LMTK2: variants seen among roughly 807,000 people sequenced by gnomAD.
The protein encoded by LMTK2 is serine/threonine-protein kinase LMTK2.
LMTK2 carries 37 observed loss-of-function variants against 127.5 expected under a neutral mutation model. The ratio of observed to expected loss-of-function variants is 0.29; its 90% CI spans 0.22 to 0.38. The LOEUF is 0.38. Ranked by LOEUF, LMTK2 falls within the 10% of genes least tolerant of loss-of-function variation. LMTK2 has a pLI of 1.00. For missense variants in LMTK2, 1,694 were observed against 1,920.3 expected (o/e 0.88, Z 2.20); for synonymous variants, 819 against 810.1 (o/e 1.01, Z -0.19).
chr7:98,170,740 C>A (rs1037139237), intron 6 of LMTK2, among the ~76,000 whole-genome samples: 19 of 152,120 alleles, frequency 1.2e-4, no homozygotes, highest in Admixed American at 1.0e-3. Context: ...AGAAGGTGTT[C>A]CCCATAACAG....
At chr7:98,168,921 G>C (rs904096596) in intron 6 of LMTK2, among the ~76,000 whole-genome samples, 1 of 152,104 alleles carries the variant, frequency 6.6e-6, no homozygotes, top group Non-Finnish European at 1.5e-5. Context: ...TTCTTGGTGA[G>C]CTTTTTTCTT....
At chr7:98,143,541 A>G (rs1012223225) in intron 3 of LMTK2, among the ~76,000 whole-genome samples, 5 of 152,252 alleles carry the variant, frequency 3.3e-5, no homozygotes, top group African/African-American at 4.8e-5. Flanking sequence ...GCCAATAAAC[A>G]TAGTAACCTC....
chr7:98,203,015 C>G (rs1038415123), intron 11 of LMTK2, among the ~76,000 whole-genome samples: 1 of 152,206 alleles, frequency 6.6e-6, no homozygotes, highest in Admixed American at 6.5e-5. Context: ...GATCACAGTC[C>G]TCCAGTGGAG....
chr7:98,126,149 C>T (rs971409363), intron 1 of LMTK2, among the ~76,000 whole-genome samples: 3 of 152,126 alleles, frequency 2.0e-5, no homozygotes, highest in Non-Finnish European at 4.4e-5. Context: ...GTCTGTCCTA[C>T]ATGGGAAGTA....
In LMTK2 at chr7:98,203,700, G is replaced by A. The variant is rs1443047124; in HGVS notation, c.4234G>A (p.Glu1412Lys). Residue 1412 changes from glutamate (E) to lysine (K), a missense_variant, in exon 12 of 14, where the codon GAA (glutamate) becomes AAA (lysine). By Grantham distance (56) the Glu-to-Lys change is moderately conservative. This residue lies in a region of LMTK2 where 554 missense variants were observed against 567.7 expected (regional missense o/e 0.98). Coordinates refer to ENST00000297293, the MANE Select transcript of LMTK2 (RefSeq NM_014916.4). ...RCINSESSTD[E>K]EGGGFEWDDD... ...CATCAACTCCGAAAGCTCCACCGAC[G>A]AAGAAGGTATTTCACGTCATTGTCT... is the stretch of plus-strand genomic sequence containing the variant. 5 of 1,613,608 alleles carry A rather than the reference G, an allele frequency of 3.1e-6. No individual in the cohort carries two copies. Among genetic ancestry groups the A allele is most frequent in the Non-Finnish European group, 4.2e-6 (5 of 1,179,962 alleles).
intron 2 of LMTK2, among the ~76,000 whole-genome samples, chr7:98,140,147 C>T (rs1796664816): frequency 1.6e-5 from 1 of 62,744 alleles, no homozygotes; most frequent in African/African-American, 1.2e-4. Context: ...TCTTTCTTTT[C>T]TTTTCTTTTC....
At chr7:98,153,148 A>C (rs1444964785) in intron 4 of LMTK2, among the ~76,000 whole-genome samples, 1 of 152,196 alleles carries the variant, frequency 6.6e-6, no homozygotes, top group Non-Finnish European at 1.5e-5. Flanking sequence ...GCTGAACTGG[A>C]AATGCAGAGC....
rs1244174278 is a variant in LMTK2 at position 98,203,682 on chromosome 7, TC to T, written c.4218del (p.Glu1407LysfsTer80). On this transcript the variant is annotated frameshift_variant, in exon 12 of 14. Transcript: ENST00000297293. LOFTEE classifies it high-confidence loss of function. ...GSPYLSRCIN[S>X]ESSTDEEGGG... is the part of the protein sequence containing the mutation. ...TCCCTACCTGAGCAGGTGCATCAAC[TC>T]CGAAAGCTCCACCGACGAAGAAGGT... 1 of 1,613,810 alleles carries T rather than the reference TC, an allele frequency of 6.2e-7. No individual in the cohort carries two copies. The highest frequency in any genetic ancestry group is 2.2e-5 in the East Asian group (1 of 44,862).
intron 1 of LMTK2, among the ~76,000 whole-genome samples, chr7:98,116,556 T>G (rs1562894909): frequency 6.7e-6 from 1 of 148,912 alleles, no homozygotes; most frequent in Non-Finnish European, 1.5e-5. Flanking sequence ...CCATTTATAG[T>G]TTTTTTTTTA....
At position 98,205,736 on chromosome 7, in the gene LMTK2, G is replaced by A. The variant is rs1797784586; in HGVS notation, c.*244G>A. 5 of 575,728 alleles carry A rather than the reference G, an allele frequency of 8.7e-6. No homozygotes were observed. The highest frequency in any genetic ancestry group is 6.1e-5 in the Admixed American group (2 of 32,982). The allele number at this position is 575,728 out of a possible 1,614,324, so 35.7% of individuals were successfully genotyped here. On this transcript the variant is annotated 3_prime_UTR_variant, in exon 14 of 14. Coordinates refer to ENST00000297293, the MANE Select transcript of LMTK2 (RefSeq NM_014916.4). The stretch of plus-strand genomic sequence containing the variant: ...CAGTGCCCCGTGCACCCGCGGCCGC[G>A]GCCTCCCAGGCAGTGCTCATGCGCT...
intron 6 of LMTK2, among the ~76,000 whole-genome samples, chr7:98,170,090 G>A (rs1365211217): frequency 6.6e-6 from 1 of 152,176 alleles, no homozygotes; most frequent in African/African-American, 2.4e-5. Flanking sequence ...GACCTTTCTT[G>A]ACTAGTTGGT....
At chr7:98,125,234 C>G (rs1019901547) in intron 1 of LMTK2, among the ~76,000 whole-genome samples, 1 of 150,444 alleles carries the variant, frequency 6.6e-6, no homozygotes, top group Non-Finnish European at 1.5e-5. Context: ...ACCTGGGAGG[C>G]AGAGCTTGCA....
intron 1 of LMTK2, among the ~76,000 whole-genome samples, chr7:98,110,950 C>A (rs1796194034): frequency 6.6e-6 from 1 of 152,200 alleles, no homozygotes; most frequent in Admixed American, 6.5e-5. Context: ...GAAATGCTTT[C>A]TAAAGTATGA....
At chr7:98,187,062 G>GGA in intron 9 of LMTK2, 64 bp downstream of exon 9, 1 of 1,468,746 alleles carries the variant, frequency 6.8e-7, no homozygotes, top group Non-Finnish European at 9.4e-7. Flanking sequence ...CTTCCTCTTT[G>GGA]AGTACTTCCT....
intron 6 of LMTK2, among the ~76,000 whole-genome samples, chr7:98,163,557 C>T (rs1797045138): frequency 6.6e-6 from 1 of 152,176 alleles, no homozygotes; most frequent in African/African-American, 2.4e-5. Context: ...ACAGGTTTTC[C>T]AGCAGCAAGG....
intron 11 of LMTK2, among the ~76,000 whole-genome samples, chr7:98,199,045 AT>A (rs1312987147): frequency 6.6e-6 from 1 of 152,100 alleles, no homozygotes; most frequent in Non-Finnish European, 1.5e-5. Context: ...TTGTTATTAA[AT>A]TTTAGTCTAA....
At chr7:98,177,719 C>T (rs1481468429) in intron 7 of LMTK2, among the ~76,000 whole-genome samples, 1 of 150,794 alleles carries the variant, frequency 6.6e-6, no homozygotes, top group Non-Finnish European at 1.5e-5. Context: ...ATTTCACACC[C>T]TGTGGAAGAA....
intron 11 of LMTK2, among the ~76,000 whole-genome samples, chr7:98,199,501 T>G (rs1484784969): frequency 2.0e-5 from 3 of 150,794 alleles, no homozygotes; most frequent in African/African-American, 7.4e-5. Context: ...GCTCCAGCTT[T>G]CTTTCTTTTT....
intron 1 of LMTK2, among the ~76,000 whole-genome samples, chr7:98,118,894 C>T (rs999741610): frequency 7.2e-5 from 11 of 152,086 alleles, no homozygotes; most frequent in East Asian, 3.9e-4. Flanking sequence ...AGATCGAGAC[C>T]GTCCTGGCTA....
Sources: allele counts gnomAD v4.1 joint callset (sites outside exome capture counted in the v4.1 genomes callset), GRCh38; gene constraint gnomAD v4.1.1; regional missense constraint gnomAD v4.1.1; transcripts MANE v1.5; gene names NCBI Gene and HGNC (gene_info 2026-07-23, HGNC 2026-07-21).